Variants in IL12RB2 observed in about 807,000 individuals in gnomAD.
The protein encoded by IL12RB2 is interleukin 12 receptor subunit beta 2, also known as interleukin-12 receptor subunit beta-2.
A neutral mutation model predicts 89.4 loss-of-function variants in IL12RB2; 82 were observed. The ratio of observed to expected loss-of-function variants is 0.92; its 90% CI spans 0.77 to 1.10. IL12RB2 has a LOEUF of 1.10. Ranked by LOEUF, IL12RB2 falls within the 50% of genes least tolerant of loss-of-function variation. IL12RB2 has a pLI of 0.00. For missense variants in IL12RB2, 963 were observed against 1,031.9 expected (o/e 0.93, Z 0.92); for synonymous variants, 368 against 370.1 (o/e 0.99, Z 0.07).
At chr1:67,375,012 T>A (rs1663809751) in intron 13 of IL12RB2, among the ~76,000 whole-genome samples, 2 of 152,056 alleles carry the variant, frequency 1.3e-5, no homozygotes, top group African/African-American at 2.4e-5. Context: ...TTAGGTTAAA[T>A]TTTCATTTAA....
At chr1:67,391,571 T>C (rs527648286) in intron 16 of IL12RB2, among the ~76,000 whole-genome samples, 2 of 150,114 alleles carry the variant, frequency 1.3e-5, no homozygotes, top group South Asian at 4.2e-4. Context: ...ATCTTCTATG[T>C]ACCAGGCACT....
intron 11 of IL12RB2, among the ~76,000 whole-genome samples, chr1:67,368,537 T>C (rs1275049052): frequency 6.6e-6 from 1 of 152,248 alleles, no homozygotes; most frequent in Non-Finnish European, 1.5e-5. Flanking sequence ...GAATTATCTA[T>C]AAGACAATTG....
intron 9 of IL12RB2, among the ~76,000 whole-genome samples, chr1:67,347,100 A>G (rs1660324654): frequency 6.6e-6 from 1 of 152,190 alleles, no homozygotes; most frequent in Non-Finnish European, 1.5e-5. Flanking sequence ...AAAAAGGGAA[A>G]ATAATTTGCC....
intron 9 of IL12RB2, among the ~76,000 whole-genome samples, chr1:67,347,304 CA>C (rs1202130440): frequency 1.3e-5 from 2 of 152,158 alleles, no homozygotes; most frequent in Non-Finnish European, 1.5e-5. Context: ...TAAGCGCTAA[CA>C]GATTTTTTCT....
intron 14 of IL12RB2, among the ~76,000 whole-genome samples, chr1:67,383,224 C>T (rs941479472): frequency 6.6e-6 from 1 of 152,162 alleles, no homozygotes; most frequent in Admixed American, 6.5e-5. Context: ...ACCATCAATT[C>T]TTGTGAGAAC....
intron 8 of IL12RB2, among the ~76,000 whole-genome samples, chr1:67,333,763 T>C (rs556851475): frequency 9.8e-5 from 15 of 152,288 alleles, no homozygotes; most frequent in Non-Finnish European, 1.8e-4. Context: ...GAAAACATTC[T>C]TGAATTTGAG....
intron 1 of IL12RB2, among the ~76,000 whole-genome samples, chr1:67,313,020 C>G (rs1414678925): frequency 2.0e-5 from 3 of 152,210 alleles, no homozygotes; most frequent in African/African-American, 7.2e-5. Flanking sequence ...ATGAATGGGG[C>G]CGGTTTGATG....
rs532076753 is a variant in IL12RB2 at position 67,313,918 on chromosome 1, G to A, written c.-119G>A. On this transcript the variant is annotated 5_prime_UTR_variant, in exon 2 of 17. Coordinates refer to ENST00000674203, the MANE Select transcript of IL12RB2 (RefSeq NM_001374259.2). Reference sequence around the variant, plus strand: ...AGTCCCCTCTTTTTTTCTAGGTCACGGTGATCCATTTGTAAAGTCGGGAAT... The same window carrying A: ...AGTCCCCTCTTTTTTTCTAGGTCACAGTGATCCATTTGTAAAGTCGGGAAT... 10 of 152,222 alleles carry A rather than the reference G, an allele frequency of 6.6e-5. No individual in the cohort carries two copies. The highest frequency in any genetic ancestry group is 3.9e-4 in the Admixed American group (6 of 15,284). The allele number at this position is 152,222 out of a possible 1,614,324, so 9.4% of individuals were successfully genotyped here.
intron 10 of IL12RB2, among the ~76,000 whole-genome samples, chr1:67,360,795 CA>C (rs112229362): frequency 0.19 from 24,960 of 129,832 alleles, 2,458 homozygotes; most frequent in African/African-American, 0.31. Context: ...AACTCCGTCT[CA>C]AAAAAAAAAA....
At chr1:67,330,500 T>C (rs180740370) in intron 7 of IL12RB2, among the ~76,000 whole-genome samples, 160 bp from the exon 8 acceptor site, 3 of 152,158 alleles carry the variant, frequency 2.0e-5, no homozygotes, top group Admixed American at 2.0e-4. Flanking sequence ...ATCATATCTA[T>C]TCGGTAAGAC....
chr1:67,343,458 A>G (rs935516020), intron 9 of IL12RB2, among the ~76,000 whole-genome samples: 1 of 152,302 alleles, frequency 6.6e-6, no homozygotes, highest in Admixed American at 6.5e-5. Context: ...AATGAAAGAA[A>G]AACACCTGGG....
chr1:67,372,527 G>C lies in IL12RB2; in HGVS notation c.1551G>C (p.Lys517Asn), dbSNP rs1663479896. Residue 517 changes from lysine (K) to asparagine (N), a missense_variant, in exon 12 of 17, where the codon AAG (lysine) becomes AAC (asparagine). Lys to Asn is a moderately conservative substitution (Grantham distance 94). Transcript: ENST00000674203. ...GCAGCTCCATCCTGGGTAACTCTAAGCACAAAGGTGAGTCTTGGGATCTTT... is the reference window on the plus strand; with the variant it reads ...GCAGCTCCATCCTGGGTAACTCTAACCACAAAGGTGAGTCTTGGGATCTTT... ...GGCSSILGNS[K>N]HKAPLSGPHI... 5 of 1,602,708 alleles carry C rather than the reference G, an allele frequency of 3.1e-6. No individual in the cohort carries two copies. Among genetic ancestry groups the C allele is most frequent in the Non-Finnish European group, 4.3e-6 (5 of 1,169,726 alleles).
At chr1:67,310,184 C>CAAAAA (rs890229904) in intron 1 of IL12RB2, among the ~76,000 whole-genome samples, 12 of 36,672 alleles carry the variant, frequency 3.3e-4, no homozygotes, top group East Asian at 9.9e-4. Context: ...AACTTCATCT[C>CAAAAA]AAAAAAAAAA....
At chr1:67,334,327 G>A (rs539617152) in intron 8 of IL12RB2, among the ~76,000 whole-genome samples, 17 of 152,266 alleles carry the variant, frequency 1.1e-4, no homozygotes, top group African/African-American at 3.6e-4. Context: ...CGGATCATAC[G>A]ATCTGTCGCA....
intron 14 of IL12RB2, among the ~76,000 whole-genome samples, chr1:67,381,822 G>A (rs951435584): frequency 1.3e-5 from 2 of 148,774 alleles, no homozygotes; most frequent in South Asian, 2.1e-4. Context: ...TGTGGATTAA[G>A]GACTCAGACA....
At chr1:67,334,080 A>G (rs1658448545) in intron 8 of IL12RB2, among the ~76,000 whole-genome samples, 1 of 152,208 alleles carries the variant, frequency 6.6e-6, no homozygotes, top group Non-Finnish European at 1.5e-5. Flanking sequence ...TGAGGGGTGA[A>G]TAATCCCTAA....
chr1:67,373,084 C>A (rs552734986), intron 13 of IL12RB2, among the ~76,000 whole-genome samples: 3 of 152,302 alleles, frequency 2.0e-5, no homozygotes, highest in African/African-American at 7.2e-5. Context: ...TTTCAACAAA[C>A]AATAAAGTCA....
chr1:67,309,140 A>G (rs1458312280), intron 1 of IL12RB2, among the ~76,000 whole-genome samples: 1 of 152,032 alleles, frequency 6.6e-6, no homozygotes, highest in African/African-American at 2.4e-5. Context: ...ACTCTAGATA[A>G]TTGTTATAAT....
In IL12RB2 at chr1:67,397,190, T is replaced by C. The variant is rs925834222; in HGVS notation, c.*1101T>C. On this transcript the variant is annotated 3_prime_UTR_variant, in exon 17 of 17. Transcript: ENST00000674203. ...AGATTTGCTGGTTTATTGTTTTATT[T>C]TGGCTTCATCCTCTTTCAGCAAATC... is the stretch of plus-strand genomic sequence containing the variant. 1.3e-5 allele frequency among the ~76,000 whole-genome samples: 2 copies of C among 152,190 alleles called. No homozygotes were observed. The highest frequency in any genetic ancestry group is 4.8e-5 in the African/African-American group (2 of 41,454).
Sources: allele counts gnomAD v4.1 joint callset (sites outside exome capture counted in the v4.1 genomes callset), GRCh38; gene constraint gnomAD v4.1.1; transcripts MANE v1.5; gene names NCBI Gene and HGNC (gene_info 2026-07-23, HGNC 2026-07-21).